Variants in IMMP2L observed in about 807,000 individuals in gnomAD.
IMMP2L encodes inner mitochondrial membrane peptidase subunit 2, also known as mitochondrial inner membrane protease subunit 2.
In IMMP2L, 18 loss-of-function variants were observed where a neutral mutation model predicts 19.3. The observed-to-expected ratio is 0.93, with a 90% CI of 0.64 to 1.38. The LOEUF is 1.38. Ranked by LOEUF, IMMP2L falls within the 40% of genes most tolerant of loss-of-function variation. The probability of loss-of-function intolerance (pLI) is 0.00; values close to 1 mark genes in which losing one functional copy is unlikely to be tolerated. For synonymous variants in IMMP2L, 76 were observed against 73.0 expected (o/e 1.04, Z -0.21); for missense variants, 233 against 218.2 (o/e 1.07, Z -0.43).
intron 3 of IMMP2L, chr7:111,091,052 G>C (rs1162469278): frequency 6.6e-6 from 1 of 152,262 alleles, no homozygotes; most frequent in Non-Finnish European, 1.5e-5. Context: ...CATCTTGGCT[G>C]TCTGAAGCGA....
At chr7:110,876,204 C>A (rs1192300968) in intron 5 of IMMP2L, among the ~76,000 whole-genome samples, 2 of 152,018 alleles carry the variant, frequency 1.3e-5, no homozygotes, top group Non-Finnish European at 2.9e-5. Flanking sequence ...AGATGGTTTA[C>A]CAAAATATTC....
intron 5 of IMMP2L, among the ~76,000 whole-genome samples, chr7:110,762,748 C>T (rs1395609702): frequency 1.3e-5 from 2 of 152,124 alleles, no homozygotes; most frequent in Non-Finnish European, 2.9e-5. Flanking sequence ...ATTTTGGACA[C>T]ATGCCCAGAA....
intron 2 of IMMP2L, among the ~76,000 whole-genome samples, chr7:111,504,736 TAATA>T: frequency 6.6e-6 from 1 of 152,310 alleles, no homozygotes; most frequent in South Asian, 2.1e-4. Flanking sequence ...ATTTCCTATT[TAATA>T]AATGGTGCTG....
chr7:111,558,367 A>G (rs11767213), intron 1 of IMMP2L, among the ~76,000 whole-genome samples: 118,715 of 152,146 alleles, frequency 0.78, 47,965 homozygotes, highest in East Asian at 0.97. Context: ...AGGGCAAGGG[A>G]TAGAAGGGTA....
At position 110,718,150 on chromosome 7, in the gene IMMP2L, C is replaced by T. The variant is rs779429018; in HGVS notation, c.409-54429G>A. Among the ~76,000 whole-genome samples, 147 of 152,048 alleles carry T rather than the reference C, an allele frequency of 9.7e-4. 1 individual carries two copies. Among genetic ancestry groups the T allele is most frequent in the Non-Finnish European group, 7.5e-4 (51 of 68,010 alleles). On this transcript the variant is annotated intron_variant, in intron 5 of 5. Coordinates refer to ENST00000405709, the MANE Select transcript of IMMP2L (RefSeq NM_032549.4). ...AGTAAATGAAGAGATGATGATAACC[C>T]CCAGATTTATGATATAAGGTGGTGA...
intron 5 of IMMP2L, among the ~76,000 whole-genome samples, chr7:110,827,867 A>G (rs576150558): frequency 6.6e-6 from 1 of 152,168 alleles, no homozygotes; most frequent in Non-Finnish European, 1.5e-5. Context: ...TAGAAAACAA[A>G]TCACATAAGA....
In IMMP2L at chr7:111,123,933, A is replaced by G. The variant is rs1800966326; in HGVS notation, c.240-160368T>C. On this transcript the variant is annotated intron_variant, in intron 3 of 5. Coordinates refer to ENST00000405709, the MANE Select transcript of IMMP2L (RefSeq NM_032549.4). This position sits in a 1 kb window ranked among gnomAD's most constrained non-coding sequence, Gnocchi z 6.4. ...TGAACATGAACAAAACCAACATTCG[A>G]TTCATGGAGCCAGATTCACTGTTTT... The G allele has an allele frequency of 6.2e-7, 1 of 1,613,996 alleles. No individual in the cohort carries two copies. The highest frequency in any genetic ancestry group is 1.3e-5 in the African/African-American group (1 of 75,032).
intron 3 of IMMP2L, among the ~76,000 whole-genome samples, chr7:111,236,199 G>GT (rs1814292694): frequency 6.6e-6 from 1 of 151,510 alleles, no homozygotes; most frequent in African/African-American, 2.4e-5. Flanking sequence ...GGTTTCCTGT[G>GT]TCTTTGCATT....
intron 4 of IMMP2L, among the ~76,000 whole-genome samples, chr7:110,888,073 A>G (rs1431047401): frequency 6.6e-6 from 1 of 152,180 alleles, no homozygotes. Context: ...ACTTTAGATC[A>G]GTAAATCATT....
intron 3 of IMMP2L, among the ~76,000 whole-genome samples, chr7:111,402,915 C>T (rs1364890754): frequency 1.3e-5 from 2 of 150,646 alleles, no homozygotes; most frequent in Admixed American, 6.6e-5. Flanking sequence ...TCTTTCTTTT[C>T]TTTCTCTGAG....
chr7:111,379,050 A>T (rs1305334958), intron 3 of IMMP2L, among the ~76,000 whole-genome samples: 2 of 151,772 alleles, frequency 1.3e-5, no homozygotes, highest in Non-Finnish European at 3.0e-5. Flanking sequence ...AAGGCTAATG[A>T]GACCATTTTG....
chr7:111,143,785 G>A (rs531741751), intron 3 of IMMP2L, among the ~76,000 whole-genome samples: 4 of 152,188 alleles, frequency 2.6e-5, no homozygotes, highest in South Asian at 2.1e-4. Flanking sequence ...TGCTATCTAC[G>A]TGAGAAAATG....
intron 3 of IMMP2L, among the ~76,000 whole-genome samples, chr7:111,308,499 A>T (rs1012219780): frequency 6.6e-6 from 1 of 151,916 alleles, no homozygotes; most frequent in African/African-American, 2.4e-5. Flanking sequence ...GTCGGCCTTT[A>T]TTTCTATGTA....
intron 3 of IMMP2L, among the ~76,000 whole-genome samples, chr7:111,127,263 T>C (rs143800993): frequency 6.6e-6 from 1 of 152,128 alleles, no homozygotes; most frequent in East Asian, 1.9e-4. Context: ...GTCAAAAACA[T>C]AGGAGCCAAA....
chr7:110,800,768 C>T (rs1476645924), intron 5 of IMMP2L, among the ~76,000 whole-genome samples: 1 of 152,006 alleles, frequency 6.6e-6, no homozygotes, highest in Non-Finnish European at 1.5e-5. Flanking sequence ...TTGACCCTAT[C>T]CAGGTTACTA....
intron 4 of IMMP2L, among the ~76,000 whole-genome samples, chr7:110,943,316 T>C (rs941326571): frequency 6.6e-6 from 1 of 152,026 alleles, no homozygotes; most frequent in Non-Finnish European, 1.5e-5. Context: ...GTGTTGAATA[T>C]GCACCTTGAT....
rs1563163352 is a variant in IMMP2L at position 111,016,855 on chromosome 7, TTATATAA to T, written c.240-53297_240-53291del. 3.6e-5 allele frequency among the ~76,000 whole-genome samples: 3 copies of T among 83,768 alleles called. No individual in the cohort carries two copies. The East Asian group carries it at 1.0e-3, about 28-fold the overall frequency. The allele number at this position is 83,768 out of a possible 152,430, so 55.0% of individuals were successfully genotyped here. A position where few individuals can be genotyped will look rare whatever the true frequency, so the allele number is the denominator to read the frequency against. ...TAGTATATATTATATATAATATATA[TTATATAA>T]TATATTACATATAATATATATTATA... On this transcript the variant is annotated intron_variant, in intron 3 of 5. Transcript: ENST00000405709.
At chr7:111,283,581 A>G (rs1023330545) in intron 3 of IMMP2L, among the ~76,000 whole-genome samples, 11 of 152,132 alleles carry the variant, frequency 7.2e-5, no homozygotes, top group Non-Finnish European at 1.5e-5. Flanking sequence ...GACGAGCTGG[A>G]AAAAGAGGTT....
chr7:111,380,821 G>GA (rs1218542527), intron 3 of IMMP2L, among the ~76,000 whole-genome samples: 3 of 151,986 alleles, frequency 2.0e-5, no homozygotes, highest in Non-Finnish European at 4.4e-5. Flanking sequence ...ATTGTAAAAA[G>GA]AAATACCAGG....
Sources: gnomAD v4.1 joint callset for allele counts (sites outside exome capture counted in the v4.1 genomes callset) on GRCh38, gnomAD v4.1.1 for gene constraint, Gnocchi (gnomAD v3.1) non-coding constraint, MANE v1.5 for transcripts, NCBI Gene and HGNC (gene_info 2026-07-23, HGNC 2026-07-21) for gene names.